RBFOX3: variants seen among roughly 807,000 people sequenced by gnomAD.
RBFOX3 encodes RNA binding fox-1 homolog 3, also known as RNA binding protein fox-1 homolog 3.
In RBFOX3, 17 loss-of-function variants were observed where a neutral mutation model predicts 48.7. The observed-to-expected ratio is 0.35, with a 90% CI of 0.24 to 0.52. RBFOX3 has a LOEUF of 0.52. Ranked by LOEUF, RBFOX3 falls within the 20% of genes least tolerant of loss-of-function variation. The pLI is 0.94. For synonymous variants in RBFOX3, 212 were observed against 209.5 expected, an observed-to-expected ratio of 1.01 and a Z score of -0.10; for missense variants, 382 against 497.5, an observed-to-expected ratio of 0.77 and a Z score of 2.21.
intron 4 of RBFOX3, among the ~76,000 whole-genome samples, chr17:79,226,628 C>A (rs1346847363): frequency 6.6e-6 from 1 of 152,208 alleles, no homozygotes; most frequent in Admixed American, 6.5e-5. Flanking sequence ...TCCAGACCAG[C>A]CACTGTCCTG....
chr17:79,196,822 C>T (rs368993631), intron 4 of RBFOX3, among the ~76,000 whole-genome samples: 7 of 152,346 alleles, frequency 4.6e-5, no homozygotes, highest in South Asian at 2.1e-4. Context: ...ATTTTCACAT[C>T]GGGTTTACCT....
the RBFOX3 span, among the ~76,000 whole-genome samples, chr17:79,662,431 T>A: frequency 2.0e-5 from 3 of 152,000 alleles, no homozygotes; most frequent in Non-Finnish European, 4.4e-5. Flanking sequence ...TGCTTCCTGT[T>A]TATTCTAAGG....
rs149052137 is a variant in RBFOX3, at chr17:79,207,832, T to G, written c.-34+27934A>C. Among the ~76,000 whole-genome samples the G allele has an allele frequency of 3.8e-3, 582 of 152,330 alleles. 5 individuals are homozygous for G. The highest frequency in any genetic ancestry group is 0.017 in the Middle Eastern group (5 of 294). Reference sequence around the variant, plus strand: ...CTCACACCTCCTTTCCCTCCCCTTCTCTCTTCTTGCTCATCCTCAGCTCTT... The same window carrying G: ...CTCACACCTCCTTTCCCTCCCCTTCGCTCTTCTTGCTCATCCTCAGCTCTT... On this transcript the variant is annotated intron_variant, in intron 4 of 14. Transcript: ENST00000693108.
In RBFOX3 at chr17:79,311,697, C is replaced by G. The variant is rs972660170; in HGVS notation, c.-174-3873G>C. Among the ~76,000 whole-genome samples, 36 of 152,160 alleles carry G rather than the reference C, an allele frequency of 2.4e-4. No individual in the cohort carries two copies. Among genetic ancestry groups the G allele is most frequent in the African/African-American group, 7.7e-4 (32 of 41,422 alleles). On this transcript the variant is annotated intron_variant, in intron 2 of 14. Coordinates refer to ENST00000693108, the MANE Select transcript of RBFOX3 (RefSeq NM_001350451.2). The surrounding 1 kb of genome is among the most constrained non-coding windows in gnomAD (Gnocchi z 4.2). ...TCTCTCGCAGGTTGGGCTCCTGGAG[C>G]TGACTCTGTCCATCAACAGAACCAG... is the stretch of plus-strand genomic sequence containing the variant.
chr17:79,172,515 G>GT (rs1264056900), intron 4 of RBFOX3, among the ~76,000 whole-genome samples: 2 of 152,296 alleles, frequency 1.3e-5, no homozygotes, highest in Middle Eastern at 3.4e-3. Flanking sequence ...CTAGAGCAGC[G>GT]TGACTCCCTG....
chr17:79,350,402 C>T (rs1338560253), intron 2 of RBFOX3, among the ~76,000 whole-genome samples: 1 of 152,202 alleles, frequency 6.6e-6, no homozygotes, highest in Non-Finnish European at 1.5e-5. Context: ...CCTGGGGGGA[C>T]CCTGACTGAT....
intron 1 of RBFOX3, among the ~76,000 whole-genome samples, chr17:79,595,047 C>T (rs1265960136): frequency 6.6e-6 from 1 of 152,164 alleles, no homozygotes; most frequent in Non-Finnish European, 1.5e-5. Context: ...CCTGAGGACA[C>T]GCCCTCAGAA....
intron 2 of RBFOX3, among the ~76,000 whole-genome samples, chr17:79,341,430 C>T (rs959389176): frequency 6.6e-6 from 1 of 152,198 alleles, no homozygotes; most frequent in African/African-American, 2.4e-5. Flanking sequence ...ATTCATATAC[C>T]TATCACCAAG....
At chr17:79,379,770 C>T (rs552285856) in intron 2 of RBFOX3, among the ~76,000 whole-genome samples, 67 of 152,112 alleles carry the variant, frequency 4.4e-4, no homozygotes, top group Non-Finnish European at 7.9e-4. Context: ...CGGTCCAGAT[C>T]GGACTCCAGG....
At chr17:79,348,728 G>A (rs1172895439) in intron 2 of RBFOX3, among the ~76,000 whole-genome samples, 1 of 151,698 alleles carries the variant, frequency 6.6e-6, no homozygotes, top group Non-Finnish European at 1.5e-5. Flanking sequence ...TTACAGGTAT[G>A]CCCCACCATG....
intron 3 of RBFOX3, among the ~76,000 whole-genome samples, chr17:79,284,565 T>G: frequency 9.4e-6 from 1 of 106,648 alleles, no homozygotes. Flanking sequence ...GACATGGAGT[T>G]TTGCTCTGTC....
At position 79,090,855 on chromosome 17, in the gene RBFOX3, T is replaced by C; in HGVS notation, c.*28A>G. ...TTTGTTTTTTTGTTTTTGCCCTTCA[T>C]GGTCCGAGAAGGAAACGGTGGAAGG... On this transcript the variant is annotated 3_prime_UTR_variant, in exon 15 of 15. Coordinates refer to ENST00000693108, the MANE Select transcript of RBFOX3 (RefSeq NM_001350451.2). 6.6e-7 allele frequency: 1 copy of C among 1,520,916 alleles called. No individual in the cohort carries two copies. Among genetic ancestry groups the C allele is most frequent in the Non-Finnish European group, 8.8e-7 (1 of 1,137,334 alleles). The allele number at this position is 1,520,916 out of a possible 1,614,324, so 94.2% of individuals were successfully genotyped here.
chr17:79,493,850 C>T (rs1472800882), intron 1 of RBFOX3, among the ~76,000 whole-genome samples: 6 of 152,186 alleles, frequency 3.9e-5, no homozygotes, highest in African/African-American at 1.4e-4. Context: ...ACTTCCCTCC[C>T]CAAGTCACAC....
rs1384692308 is a variant in RBFOX3 at position 79,103,358 on chromosome 17, G to A, written c.415-104C>T. ...AGGAGTGGGAGGGGGGCAGGGGAGT[G>A]GGGAGAGAGAGAGAAGGGGTTGAGT... On this transcript the variant is annotated intron_variant, in intron 7 of 14. Transcript: ENST00000693108. This position sits in a 1 kb window ranked among gnomAD's most constrained non-coding sequence, Gnocchi z 6.1. 2.6e-6 allele frequency: 2 copies of A among 772,576 alleles called. No individual in the cohort carries two copies. Among genetic ancestry groups the A allele is most frequent in the East Asian group, 5.4e-5 (2 of 37,022 alleles). The allele number at this position is 772,576 out of a possible 1,614,324, so 47.9% of individuals were successfully genotyped here.
chr17:79,508,188 T>C (rs1339776870), intron 1 of RBFOX3, among the ~76,000 whole-genome samples: 1 of 152,172 alleles, frequency 6.6e-6, no homozygotes, highest in Non-Finnish European at 1.5e-5. Flanking sequence ...TCGCTGGCCT[T>C]CTAGAAAAGC....
rs1051619469 is a variant in RBFOX3, at chr17:79,423,023, G to A, written c.-175+59431C>T. 2.0e-5 allele frequency among the ~76,000 whole-genome samples: 3 copies of A among 152,152 alleles called. No individual in the cohort carries two copies. The highest frequency in any genetic ancestry group is 2.9e-5 in the Non-Finnish European group (2 of 68,022). On this transcript the variant is annotated intron_variant, in intron 2 of 14. Transcript: ENST00000693108. This position sits in a 1 kb window ranked among gnomAD's most constrained non-coding sequence, Gnocchi z 4.9. Reference sequence around the variant, plus strand: ...CACCAGAAAGAGTCCTCACAGGCACGGGACAGGCCGGCCCCTGCGACGGGA... The same window carrying A: ...CACCAGAAAGAGTCCTCACAGGCACAGGACAGGCCGGCCCCTGCGACGGGA...
intron 6 of RBFOX3, among the ~76,000 whole-genome samples, chr17:79,104,365 T>A (rs1414483742): frequency 3.9e-5 from 6 of 152,114 alleles, no homozygotes; most frequent in African/African-American, 1.4e-4. Context: ...AAGAGGGTCC[T>A]TGGTGTGGTG....
At chr17:79,492,856 G>A (rs2080891262) in intron 1 of RBFOX3, among the ~76,000 whole-genome samples, 1 of 152,220 alleles carries the variant, frequency 6.6e-6, no homozygotes, top group South Asian at 2.1e-4. Flanking sequence ...GGACACGCCA[G>A]GAGGCAGTGG....
rs368989503 is a variant in RBFOX3, at chr17:79,113,290, C to A, written c.222+2204G>T. Among the ~76,000 whole-genome samples the A allele has an allele frequency of 2.6e-5, 4 of 152,124 alleles. No homozygotes were observed. In the East Asian group the frequency reaches 7.8e-4, roughly 29 times the overall value. On this transcript the variant is annotated intron_variant, in intron 5 of 14. Transcript: ENST00000693108. ...AGCTGCCTTCCAAGGTAGGAAGGCTCTGCATGAACAAATACTCCAAGGTTG... is the reference window on the plus strand; with the variant it reads ...AGCTGCCTTCCAAGGTAGGAAGGCTATGCATGAACAAATACTCCAAGGTTG...
Sources: gnomAD v4.1 joint callset for allele counts (sites outside exome capture counted in the v4.1 genomes callset) on GRCh38, gnomAD v4.1.1 for gene constraint, Gnocchi (gnomAD v3.1) non-coding constraint, MANE v1.5 for transcripts, NCBI Gene and HGNC (gene_info 2026-07-23, HGNC 2026-07-21) for gene names.